The following PTPRT variants were observed in gnomAD, a reference collection of about 807,000 sequenced individuals.
The protein encoded by PTPRT is receptor-type tyrosine-protein phosphatase T.
In PTPRT, 56 loss-of-function variants were observed where a neutral mutation model predicts 176.8. The observed-to-expected ratio is 0.32, with a 90% CI of 0.26 to 0.40. PTPRT has a LOEUF of 0.40. PTPRT is among the 10% of genes least tolerant of loss of function. The probability of loss-of-function intolerance (pLI) is 1.00; values close to 1 mark genes in which losing one functional copy is unlikely to be tolerated. For missense variants in PTPRT, 1,540 were observed against 1,908.2 expected, an observed-to-expected ratio of 0.81 and a Z score of 3.60; for synonymous variants, 783 against 739.0, an observed-to-expected ratio of 1.06 and a Z score of -0.96.
chr20:42,075,080 G>T lies in PTPRT; in HGVS notation c.*5799C>A. On this transcript the variant is annotated 3_prime_UTR_variant, in exon 31 of 31. Transcript: ENST00000373187. ...CAGATCCCTGCAAGACAAAGCCAAGGCCTTGCATTCTATCACTTCTAGACA... is the reference window on the plus strand; with the variant it reads ...CAGATCCCTGCAAGACAAAGCCAAGTCCTTGCATTCTATCACTTCTAGACA... The T allele has an allele frequency of 2.6e-6, 1 of 380,642 alleles. No homozygotes were observed. Among genetic ancestry groups the T allele is most frequent in the Non-Finnish European group, 4.6e-6 (1 of 215,246 alleles). 23.6% of individuals were successfully genotyped at this position (380,642 alleles called of 1,614,324 possible). A position where few individuals can be genotyped will look rare whatever the true frequency, so the allele number is the denominator to read the frequency against.
chr20:42,052,794 G>A, the PTPRT span, among the ~76,000 whole-genome samples: 1 of 152,102 alleles, frequency 6.6e-6, no homozygotes, highest in Non-Finnish European at 1.5e-5. Flanking sequence ...GCAGGCTGGA[G>A]CTCCCTTGCT....
intron 1 of PTPRT, among the ~76,000 whole-genome samples, chr20:42,973,226 A>G (rs1329831277): frequency 3.3e-5 from 5 of 152,106 alleles, no homozygotes; most frequent in Non-Finnish European, 7.3e-5. Flanking sequence ...GTGGTTTCAG[A>G]ACCAAATGGA....
At chr20:42,169,417 A>G (rs1036608196) in intron 16 of PTPRT, among the ~76,000 whole-genome samples, 5 of 152,062 alleles carry the variant, frequency 3.3e-5, no homozygotes, top group African/African-American at 1.2e-4. Flanking sequence ...TAGACACTCT[A>G]TGTAGGGATG....
At chr20:42,112,227 C>G (rs1045420148) in intron 22 of PTPRT, among the ~76,000 whole-genome samples, 3 of 152,174 alleles carry the variant, frequency 2.0e-5, no homozygotes, top group African/African-American at 7.2e-5. Flanking sequence ...AGAGAGGGCA[C>G]TATTGGTGCC....
intron 8 of PTPRT, among the ~76,000 whole-genome samples, chr20:42,452,704 G>C (rs1232423393): frequency 1.3e-5 from 2 of 152,184 alleles, no homozygotes; most frequent in Non-Finnish European, 1.5e-5. Flanking sequence ...CAAGCTAATA[G>C]ATCTTGGTCT....
intron 1 of PTPRT, among the ~76,000 whole-genome samples, chr20:43,144,716 T>C (rs117455857): frequency 0.013 from 1,966 of 152,110 alleles, 18 homozygotes; most frequent in East Asian, 0.044. Context: ...CTTTTGGGGG[T>C]GGTGAAAACG....
chr20:42,743,202 G>A (rs1429927768), intron 6 of PTPRT, among the ~76,000 whole-genome samples: 1 of 152,204 alleles, frequency 6.6e-6, no homozygotes, highest in Admixed American at 6.5e-5. Context: ...TGGGTTGAAA[G>A]TGAGTCACAT....
At chr20:42,053,138 T>G in the PTPRT span, among the ~76,000 whole-genome samples, 1 of 152,228 alleles carries the variant, frequency 6.6e-6, no homozygotes, top group African/African-American at 2.4e-5. Context: ...GACCTGAGAA[T>G]AATTATATTG....
intron 8 of PTPRT, among the ~76,000 whole-genome samples, chr20:42,471,910 C>G (rs2071204723): frequency 6.6e-6 from 1 of 152,150 alleles, no homozygotes; most frequent in South Asian, 2.1e-4. Flanking sequence ...CCTGCCTCAG[C>G]CTCCCAAAGT....
At chr20:42,923,821 A>T (rs1979314329) in intron 1 of PTPRT, among the ~76,000 whole-genome samples, 1 of 151,952 alleles carries the variant, frequency 6.6e-6, no homozygotes, top group Non-Finnish European at 1.5e-5. Context: ...CCACTTCAAG[A>T]TGAATGGGAC....
At chr20:42,466,746 C>T (rs964434105) in intron 8 of PTPRT, among the ~76,000 whole-genome samples, 5 of 152,104 alleles carry the variant, frequency 3.3e-5, no homozygotes, top group Admixed American at 3.3e-4. Flanking sequence ...AAAGAACCTA[C>T]AGGCAATAAC....
chr20:43,011,098 C>T (rs776981732), intron 1 of PTPRT, among the ~76,000 whole-genome samples: 11 of 152,272 alleles, frequency 7.2e-5, no homozygotes, highest in East Asian at 3.9e-4. Flanking sequence ...CAAATTAGTA[C>T]GCTGCAGGGT....
chr20:42,607,544 C>T (rs924429669), intron 7 of PTPRT: 2 of 152,278 alleles, frequency 1.3e-5, no homozygotes, highest in African/African-American at 4.8e-5. Flanking sequence ...CAGGGATACG[C>T]AAGACATTGC....
chr20:42,871,301 A>C (rs2078841961), intron 2 of PTPRT, among the ~76,000 whole-genome samples: 2 of 89,822 alleles, frequency 2.2e-5, no homozygotes, highest in South Asian at 1.0e-3. Context: ...ACAAATGTCT[A>C]TTTCAGCCCT....
At position 43,159,214 on chromosome 20, in the gene PTPRT, T is replaced by G. The variant is rs1371464893; in HGVS notation, c.88+30432A>C. ...CCCCAGAGTTCTCCCACCTGAGGGG[T>G]GAGGGAGCTGAGGTATTTATACACC... On this transcript the variant is annotated intron_variant, in intron 1 of 30. Coordinates refer to ENST00000373187, the MANE Select transcript of PTPRT (RefSeq NM_007050.6). Among the ~76,000 whole-genome samples the G allele has an allele frequency of 2.0e-5, 3 of 152,074 alleles. No homozygotes were observed. The East Asian group carries it at 5.8e-4, about 29-fold the overall frequency.
intron 1 of PTPRT, among the ~76,000 whole-genome samples, chr20:42,916,478 C>A (rs1978765072): frequency 6.6e-6 from 1 of 152,204 alleles, no homozygotes; most frequent in East Asian, 1.9e-4. Context: ...GGGTATATAC[C>A]CAGTAATGGG....
In PTPRT at chr20:42,081,924, C is replaced by T. The variant is rs775364474; in HGVS notation, c.4230G>A (p.Val1410=). The change falls in exon 30 of 31, where the codon GTG becomes GTA. Residue 1410 remains valine, a synonymous_variant. Transcript: ENST00000373187. ...QQNIIDVFHI[V]KTLRNNKSNM... Reference sequence around the variant, plus strand: ...TGGATTTGTTGTTACGCAGTGTTTTCACGATGTGGAACACGTCAATGATGT... The same window carrying T: ...TGGATTTGTTGTTACGCAGTGTTTTTACGATGTGGAACACGTCAATGATGT... 4 of 1,614,240 alleles carry T rather than the reference C, an allele frequency of 2.5e-6. No individual in the cohort carries two copies. Among genetic ancestry groups the T allele is most frequent in the Non-Finnish European group, 3.4e-6 (4 of 1,180,040 alleles).
rs185590826 is a variant in PTPRT, at chr20:42,561,073, C to T, written c.1154-88511G>A. On this transcript the variant is annotated intron_variant, in intron 7 of 30. Transcript: ENST00000373187. The stretch of plus-strand genomic sequence containing the variant: ...GTGTCTGGCAGCAAAAGCTGCTGGT[C>T]CCTAGGATGCAGCAATCACCTCTAA... 9.8e-5 allele frequency among the ~76,000 whole-genome samples: 15 copies of T among 152,286 alleles called. No individual in the cohort carries two copies. In the East Asian group the frequency reaches 2.9e-3, roughly 29 times the overall value.
chr20:42,728,173 A>T (rs2076407875), intron 6 of PTPRT, among the ~76,000 whole-genome samples: 1 of 152,304 alleles, frequency 6.6e-6, no homozygotes, highest in Non-Finnish European at 1.5e-5. Context: ...TCTGTGCCAC[A>T]CAACTGTCAT....
Sources: gnomAD v4.1 joint callset for allele counts (sites outside exome capture counted in the v4.1 genomes callset) on GRCh38, gnomAD v4.1.1 for gene constraint, MANE v1.5 for transcripts, NCBI Gene and HGNC (gene_info 2026-07-23, HGNC 2026-07-21) for gene names.